Variants in FAM120A observed in about 807,000 individuals in gnomAD.
FAM120A encodes the protein family with sequence similarity 120 member A.
Under a neutral mutation model 109.7 loss-of-function variants are expected in FAM120A, and 15 were observed. The observed-to-expected ratio is 0.14, with a 90% confidence interval of 0.09 to 0.21. The LOEUF is 0.21. Among genes scored for constraint, FAM120A ranks in the 10% least tolerant of loss-of-function variants. The pLI is 1.00. For missense variants in FAM120A, 899 were observed against 1,439.3 expected (o/e 0.62, Z 6.07); for synonymous variants, 493 against 572.8 (o/e 0.86, Z 1.99).
At chr9:93,471,855 C>T (rs992706996) in intron 2 of FAM120A, among the ~76,000 whole-genome samples, 3 of 152,204 alleles carry the variant, frequency 2.0e-5, no homozygotes, top group Admixed American at 6.5e-5. Flanking sequence ...GTTTCCAACA[C>T]CTACATTTTA....
Position 93,522,349 on chromosome 9 carries a change from C to T in FAM120A, c.1419-4806C>T, listed in dbSNP as rs542703745. ...TATATTTGAAAGATTGGTGAATATT[C>T]AAGCACCTTATTTTCCTCTGCATCT... is the stretch of plus-strand genomic sequence containing the variant. On this transcript the variant is annotated intron_variant, in intron 7 of 17. Coordinates refer to ENST00000277165, the MANE Select transcript of FAM120A (RefSeq NM_014612.5). 9.2e-5 allele frequency among the ~76,000 whole-genome samples: 14 copies of T among 152,302 alleles called. No homozygotes were observed. In the South Asian group the frequency reaches 2.5e-3, roughly 27 times the overall value.
intron 3 of FAM120A, among the ~76,000 whole-genome samples, chr9:93,481,503 C>A (rs1024309168): frequency 6.6e-6 from 1 of 152,064 alleles, no homozygotes; most frequent in Non-Finnish European, 1.5e-5. Context: ...TAAGTTGGAC[C>A]TGTTTAGTTT....
At chr9:93,461,506 A>G (rs553936276) in intron 1 of FAM120A, among the ~76,000 whole-genome samples, 7 of 152,198 alleles carry the variant, frequency 4.6e-5, no homozygotes, top group Non-Finnish European at 7.3e-5. Context: ...AGATTTTGGA[A>G]TGGTATTTTA....
intron 10 of FAM120A, among the ~76,000 whole-genome samples, chr9:93,539,060 C>G (rs1212127326): frequency 2.7e-5 from 4 of 146,928 alleles, no homozygotes; most frequent in Non-Finnish European, 4.5e-5. Flanking sequence ...TGGAGTGGCG[C>G]AATCTCGGCT....
chr9:93,507,664 C>T (rs1046564231), intron 5 of FAM120A, among the ~76,000 whole-genome samples: 1 of 152,084 alleles, frequency 6.6e-6, no homozygotes, highest in African/African-American at 2.4e-5. Flanking sequence ...ACCCTGTGCA[C>T]AGTTGTTAGC....
intron 12 of FAM120A, among the ~76,000 whole-genome samples, chr9:93,556,151 C>T (rs1862273740): frequency 6.6e-6 from 1 of 152,192 alleles, no homozygotes; most frequent in Non-Finnish European, 1.5e-5. Flanking sequence ...ACCTGAAATA[C>T]TTGAGTATGT....
In FAM120A at chr9:93,506,414, G is replaced by T. The variant is rs542158701; in HGVS notation, c.1030+7528G>T. 2.0e-5 allele frequency among the ~76,000 whole-genome samples: 3 copies of T among 152,150 alleles called. No individual in the cohort carries two copies. In the South Asian group the frequency reaches 6.2e-4, roughly 32 times the overall value. ...ATTTATTTTTGGGTGCTATTTCTAT[G>T]TGTGTCTTATATTTTCAAATTAATA... On this transcript the variant is annotated intron_variant, in intron 5 of 17. Transcript: ENST00000277165.
intron 3 of FAM120A, among the ~76,000 whole-genome samples, 188 bp downstream of exon 3, chr9:93,476,526 C>T (rs1254681551): frequency 6.6e-6 from 1 of 152,176 alleles, no homozygotes; most frequent in Non-Finnish European, 1.5e-5. Flanking sequence ...GTTCTCAACA[C>T]CTATATGTTA....
chr9:93,500,625 C>T lies in FAM120A; in HGVS notation c.1030+1739C>T, dbSNP rs961679189. Among the ~76,000 whole-genome samples the T allele has an allele frequency of 6.6e-6, 1 of 152,184 alleles. No homozygotes were observed. The highest frequency in any genetic ancestry group is 2.4e-5 in the African/African-American group (1 of 41,440). ...ATATTTGACTGAATGAATTGATCCA[C>T]TTGGTTTTTAAATCAAGAGAGTGAA... On this transcript the variant is annotated intron_variant, in intron 5 of 17. Coordinates refer to ENST00000277165, the MANE Select transcript of FAM120A (RefSeq NM_014612.5). This position sits in a 1 kb window ranked among gnomAD's most constrained non-coding sequence, Gnocchi z 4.6.
chr9:93,559,911 G>T (rs866884185), intron 15 of FAM120A, among the ~76,000 whole-genome samples: 3 of 152,206 alleles, frequency 2.0e-5, no homozygotes, highest in Non-Finnish European at 4.4e-5. Context: ...CCACTGCTCT[G>T]TTGAGCACTT....
chr9:93,466,024 A>G (rs1221336915), intron 1 of FAM120A, among the ~76,000 whole-genome samples: 1 of 152,138 alleles, frequency 6.6e-6, no homozygotes, highest in Admixed American at 6.5e-5. Flanking sequence ...CCCACATGGC[A>G]CGTGGCATTG....
chr9:93,473,167 C>A (rs1858387178), intron 2 of FAM120A, among the ~76,000 whole-genome samples: 1 of 152,068 alleles, frequency 6.6e-6, no homozygotes. Context: ...CAGGCGCCCA[C>A]CACCACGCCC....
rs985677647 is a variant in FAM120A at position 93,451,866 on chromosome 9, C to G, written c.-50C>G. On this transcript the variant is annotated 5_prime_UTR_variant, in exon 1 of 18. Coordinates refer to ENST00000277165, the MANE Select transcript of FAM120A (RefSeq NM_014612.5). ...CCGCGCGCCACGGCCCCACCACCCC[C>G]GGCCCCGCCGCCCCCCGCCCGCACC... is the stretch of plus-strand genomic sequence containing the variant. 7 of 1,074,658 alleles carry G rather than the reference C, an allele frequency of 6.5e-6. No individual in the cohort carries two copies. Among genetic ancestry groups the G allele is most frequent in the Non-Finnish European group, 7.9e-6 (7 of 886,924 alleles). The allele number at this position is 1,074,658 out of a possible 1,614,324, so 66.6% of individuals were successfully genotyped here.
At chr9:93,546,600 A>G (rs547760066) in intron 11 of FAM120A, among the ~76,000 whole-genome samples, 2 of 152,310 alleles carry the variant, frequency 1.3e-5, no homozygotes, top group Admixed American at 6.5e-5. Context: ...ATTGTCTCCC[A>G]GCCCACTCTT....
chr9:93,493,908 C>T (rs545517546), intron 3 of FAM120A, among the ~76,000 whole-genome samples: 1 of 152,246 alleles, frequency 6.6e-6, no homozygotes, highest in Non-Finnish European at 1.5e-5. Flanking sequence ...GGCCTGGCAG[C>T]CATCCAGCCT....
intron 10 of FAM120A, among the ~76,000 whole-genome samples, chr9:93,534,121 C>T (rs1861433842): frequency 6.6e-6 from 1 of 152,208 alleles, no homozygotes; most frequent in South Asian, 2.1e-4. Context: ...GATGGTGCTT[C>T]TCATGCTAGC....
chr9:93,452,922 A>C lies in FAM120A; in HGVS notation c.474+533A>C. 7.0e-7 allele frequency: 1 copy of C among 1,425,120 alleles called. No homozygotes were observed. Among genetic ancestry groups the C allele is most frequent in the South Asian group, 1.5e-5 (1 of 65,930 alleles). The allele number at this position is 1,425,120 out of a possible 1,614,324, so 88.3% of individuals were successfully genotyped here. A position where few individuals can be genotyped will look rare whatever the true frequency, so the allele number is the denominator to read the frequency against. On this transcript the variant is annotated intron_variant, in intron 1 of 17. Coordinates refer to ENST00000277165, the MANE Select transcript of FAM120A (RefSeq NM_014612.5). This position sits in a 1 kb window ranked among gnomAD's most constrained non-coding sequence, Gnocchi z 7.0. ...ATGTTGTTAGCCCGGTGACAGCGAGACGTGTCTAAGGGCCAGTGCCCTGGC... is the reference window on the plus strand; with the variant it reads ...ATGTTGTTAGCCCGGTGACAGCGAGCCGTGTCTAAGGGCCAGTGCCCTGGC...
At chr9:93,523,254 G>T in intron 7 of FAM120A, 2 of 1,232,932 alleles carry the variant, frequency 1.6e-6, no homozygotes, top group African/African-American at 1.5e-5. Flanking sequence ...TGAAGATGGT[G>T]TTGAATGTTT....
chr9:93,538,403 G>A (rs181273382), intron 10 of FAM120A, among the ~76,000 whole-genome samples: 1 of 152,268 alleles, frequency 6.6e-6, no homozygotes, highest in African/African-American at 2.4e-5. Context: ...AGTCTTCGTT[G>A]TATCCATTTT....
Sources: allele counts gnomAD v4.1 joint callset (sites outside exome capture counted in the v4.1 genomes callset), GRCh38; gene constraint gnomAD v4.1.1; non-coding constraint Gnocchi (gnomAD v3.1); transcripts MANE v1.5; gene names NCBI Gene and HGNC (gene_info 2026-07-23, HGNC 2026-07-21).